CDH4: variants seen among roughly 807,000 people sequenced by gnomAD.
CDH4 encodes the protein cadherin 4.
Under a neutral mutation model 86.0 loss-of-function variants are expected in CDH4, and 33 were observed. That is an observed-to-expected ratio of 0.38 (90% CI 0.29 to 0.51). CDH4 has a LOEUF of 0.51. CDH4 is among the 20% of genes least tolerant of loss of function. CDH4 has a pLI of 0.86. For synonymous variants in CDH4, 555 were observed against 549.4 expected (o/e 1.01, Z -0.14); for missense variants, 1,114 against 1,307.4 (o/e 0.85, Z 2.28).
intron 11 of CDH4, among the ~76,000 whole-genome samples, chr20:61,925,560 G>A (rs762349168): frequency 5.9e-5 from 9 of 152,208 alleles, no homozygotes; most frequent in East Asian, 5.8e-4. Context: ...GCCGAGTACC[G>A]GCCGAGTGCC....
In CDH4 at chr20:61,509,171, G is replaced by A. The variant is rs147990330; in HGVS notation, c.170-234392G>A. Among the ~76,000 whole-genome samples, 43 of 152,254 alleles carry A rather than the reference G, an allele frequency of 2.8e-4. No homozygotes were observed. The East Asian group carries it at 8.2e-3, about 29-fold the overall frequency. On this transcript the variant is annotated intron_variant, in intron 2 of 15. Transcript: ENST00000614565. ...CAGGAGAGCCAGCTGCCTGTCTGTGGTGGGTCCTCTGAGACGGCAGAGGAC... is the reference window on the plus strand; with the variant it reads ...CAGGAGAGCCAGCTGCCTGTCTGTGATGGGTCCTCTGAGACGGCAGAGGAC...
chr20:61,596,032 T>C (rs2086555071), intron 2 of CDH4, among the ~76,000 whole-genome samples: 1 of 152,160 alleles, frequency 6.6e-6, no homozygotes, highest in Non-Finnish European at 1.5e-5. Flanking sequence ...GGAGCATCCT[T>C]TGGGAACACA....
intron 8 of CDH4, among the ~76,000 whole-genome samples, chr20:61,898,885 G>T (rs1161460538): frequency 6.6e-6 from 1 of 152,226 alleles, no homozygotes; most frequent in African/African-American, 2.4e-5. Flanking sequence ...TGGGTGGCGA[G>T]CAGACAAGGT....
At chr20:61,324,512 A>G (rs2084526667) in intron 2 of CDH4, among the ~76,000 whole-genome samples, 1 of 152,124 alleles carries the variant, frequency 6.6e-6, no homozygotes, top group African/African-American at 2.4e-5. Context: ...ATGCTCCAGT[A>G]TCTGCCTGGC....
intron 2 of CDH4, among the ~76,000 whole-genome samples, chr20:61,504,765 T>C (rs2085728541): frequency 6.6e-6 from 1 of 152,214 alleles, no homozygotes; most frequent in Non-Finnish European, 1.5e-5. Context: ...AACAATTACA[T>C]GGACTCTTTC....
chr20:61,786,317 C>G (rs972016538), intron 4 of CDH4, among the ~76,000 whole-genome samples: 4 of 152,124 alleles, frequency 2.6e-5, no homozygotes, highest in African/African-American at 9.7e-5. Context: ...GTTCTGAAGA[C>G]GCAATCCCAA....
chr20:61,694,199 C>G (rs1423088353), intron 2 of CDH4, among the ~76,000 whole-genome samples: 1 of 152,098 alleles, frequency 6.6e-6, no homozygotes, highest in East Asian at 1.9e-4. Context: ...CTCATAAAGG[C>G]ACCGTTTCCT....
chr20:61,846,421 G>A (rs749376482), intron 5 of CDH4, among the ~76,000 whole-genome samples: 7 of 152,290 alleles, frequency 4.6e-5, no homozygotes, highest in South Asian at 2.1e-4. Flanking sequence ...GTCAACACGC[G>A]TCTACAACAG....
intron 7 of CDH4, 129 bp from the exon 8 acceptor site, chr20:61,894,781 C>A: frequency 9.9e-7 from 1 of 1,009,916 alleles, no homozygotes; most frequent in African/African-American, 1.6e-5. Flanking sequence ...GCCCAGCACA[C>A]AGCCCCCAGT....
chr20:61,604,387 A>G (rs1240565133), intron 2 of CDH4, among the ~76,000 whole-genome samples: 1 of 152,246 alleles, frequency 6.6e-6, no homozygotes, highest in Non-Finnish European at 1.5e-5. Flanking sequence ...ACTGTGATGC[A>G]GCTTGAATAA....
intron 3 of CDH4, among the ~76,000 whole-genome samples, chr20:61,763,135 G>T (rs2088657568): frequency 6.6e-6 from 1 of 152,202 alleles, no homozygotes; most frequent in Admixed American, 6.5e-5. Context: ...TATCGCCAAA[G>T]GTCGGGGCTG....
rs1170068456 is a variant in CDH4 at position 61,475,459 on chromosome 20, C to A, written c.169+220522C>A. ...TCCCCCATGGAATTTACCTCCCCCCCTCTCTCTCCCTCCTCTCCCTCCCCC... is the reference window on the plus strand; with the variant it reads ...TCCCCCATGGAATTTACCTCCCCCCATCTCTCTCCCTCCTCTCCCTCCCCC... On this transcript the variant is annotated intron_variant, in intron 2 of 15. Coordinates refer to ENST00000614565, the MANE Select transcript of CDH4 (RefSeq NM_001794.5). Among the ~76,000 whole-genome samples the A allele has an allele frequency of 1.0e-4, 5 of 50,038 alleles. No homozygotes were observed. In the East Asian group the frequency reaches 2.2e-3, roughly 22 times the overall value. 32.8% of individuals were successfully genotyped at this position (50,038 alleles called of 152,430 possible).
chr20:61,747,117 A>C (rs1376600076), intron 3 of CDH4, among the ~76,000 whole-genome samples: 1 of 152,198 alleles, frequency 6.6e-6, no homozygotes, highest in Non-Finnish European at 1.5e-5. Context: ...AAGACATAGA[A>C]AGAACAATCG....
At chr20:61,735,231 C>T (rs1179221075) in intron 2 of CDH4, among the ~76,000 whole-genome samples, 1 of 152,184 alleles carries the variant, frequency 6.6e-6, no homozygotes, top group African/African-American at 2.4e-5. Context: ...GAGGACTCCC[C>T]CGTCTCCCCA....
rs535489560 is a variant in CDH4, at chr20:61,480,773, C to A, written c.169+225836C>A. Reference sequence around the variant, plus strand: ...CATTCCACCAAAAGAGGTCACGAGACTAGAATTGTGATCCAGTTTCCACAC... The same window carrying A: ...CATTCCACCAAAAGAGGTCACGAGAATAGAATTGTGATCCAGTTTCCACAC... On this transcript the variant is annotated intron_variant, in intron 2 of 15. Coordinates refer to ENST00000614565, the MANE Select transcript of CDH4 (RefSeq NM_001794.5). This position sits in a 1 kb window ranked among gnomAD's most constrained non-coding sequence, Gnocchi z 5.2. 1.3e-5 allele frequency among the ~76,000 whole-genome samples: 2 copies of A among 152,236 alleles called. No individual in the cohort carries two copies. Among genetic ancestry groups the A allele is most frequent in the Non-Finnish European group, 2.9e-5 (2 of 68,038 alleles).
rs955782775 is a variant in CDH4, at chr20:61,928,649, G to A, written c.2005+226G>A. 3.3e-5 allele frequency among the ~76,000 whole-genome samples: 5 copies of A among 152,222 alleles called. No individual in the cohort carries two copies. The East Asian group carries it at 9.6e-4, about 29-fold the overall frequency. On this transcript the variant is annotated intron_variant, in intron 12 of 15. Transcript: ENST00000614565. Reference sequence around the variant, plus strand: ...TCCCAATTTCTTGCTGCTTTAATGAGGCCAGCCGTGAACATCCTTGCAGCT... The same window carrying A: ...TCCCAATTTCTTGCTGCTTTAATGAAGCCAGCCGTGAACATCCTTGCAGCT...
At chr20:61,679,394 C>T (rs1290624429) in intron 2 of CDH4, among the ~76,000 whole-genome samples, 1 of 152,148 alleles carries the variant, frequency 6.6e-6, no homozygotes, top group African/African-American at 2.4e-5. Context: ...AGGGGTGGGT[C>T]CCAGGTATTT....
chr20:61,598,135 G>A (rs1032166306), intron 2 of CDH4, among the ~76,000 whole-genome samples: 14 of 152,116 alleles, frequency 9.2e-5, no homozygotes, highest in East Asian at 1.9e-4. Flanking sequence ...ATGGTGACCC[G>A]CCGGGGACTT....
At chr20:61,707,765 C>G (rs532323795) in intron 2 of CDH4, among the ~76,000 whole-genome samples, 1 of 152,118 alleles carries the variant, frequency 6.6e-6, no homozygotes, top group Non-Finnish European at 1.5e-5. Context: ...TCATGAGGAA[C>G]GCGCAGCCTA....
Sources: gnomAD v4.1 joint callset for allele counts (sites outside exome capture counted in the v4.1 genomes callset) on GRCh38, gnomAD v4.1.1 for gene constraint, Gnocchi (gnomAD v3.1) non-coding constraint, MANE v1.5 for transcripts, NCBI Gene and HGNC (gene_info 2026-07-23, HGNC 2026-07-21) for gene names.